Variants in GABRA4 observed in about 807,000 individuals in gnomAD.
GABRA4 encodes gamma-aminobutyric acid receptor subunit alpha-4.
A neutral mutation model predicts 49.7 loss-of-function variants in GABRA4; 12 were observed. The observed-to-expected ratio is 0.24, with a 90% confidence interval of 0.15 to 0.39. GABRA4 has a LOEUF of 0.39. Among genes scored for constraint, GABRA4 ranks in the 10% least tolerant of loss-of-function variants. The pLI is 1.00. For missense variants in GABRA4, 506 were observed against 686.0 expected (o/e 0.74, Z 2.93); for synonymous variants, 288 against 240.2 (o/e 1.20, Z -1.84).
chr4:46,928,826 C>A (rs1473402657), intron 8 of GABRA4, 71 bp from the exon 9 acceptor site: 26 of 1,012,688 alleles, frequency 2.6e-5, no homozygotes, highest in Non-Finnish European at 3.4e-5. Flanking sequence ...TTAAAGGGAT[C>A]AAAATTCTTA....
At chr4:46,950,564 T>C (rs868284262) in intron 8 of GABRA4, among the ~76,000 whole-genome samples, 74 of 152,064 alleles carry the variant, frequency 4.9e-4, no homozygotes, top group African/African-American at 1.6e-3. Context: ...CATTTTCTAA[T>C]GGCTCAACCT....
chr4:46,945,262 C>T (rs905850247), intron 8 of GABRA4, among the ~76,000 whole-genome samples: 2 of 152,102 alleles, frequency 1.3e-5, no homozygotes, highest in Admixed American at 1.3e-4. Context: ...TCTCATACAT[C>T]TGCCTGTTGA....
At position 46,928,142 on chromosome 4, in the gene GABRA4, A is replaced by C; in HGVS notation, c.*83T>G. 2 of 1,150,952 alleles carry C rather than the reference A, an allele frequency of 1.7e-6. No individual in the cohort carries two copies. Among genetic ancestry groups the C allele is most frequent in the African/African-American group, 1.6e-5 (1 of 63,956 alleles). The allele number at this position is 1,150,952 out of a possible 1,614,324, so 71.3% of individuals were successfully genotyped here. On this transcript the variant is annotated 3_prime_UTR_variant, in exon 9 of 9. Transcript: ENST00000264318. ...TTACACAGAGTTTTTATTTTAGTAA[A>C]GAATATTTGTTTATATTTAAAAACA...
In GABRA4 at chr4:46,964,904, T is replaced by C. The variant is rs1722698046; in HGVS notation, c.1134+66A>G. The C allele has an allele frequency of 4.1e-6, 6 of 1,479,020 alleles. No homozygotes were observed. The Admixed American group carries it at 9.3e-5, about 23-fold the overall frequency. The allele number at this position is 1,479,020 out of a possible 1,614,324, so 91.6% of individuals were successfully genotyped here. On this transcript the variant is annotated intron_variant, in intron 8 of 8. Coordinates refer to ENST00000264318, the MANE Select transcript of GABRA4 (RefSeq NM_000809.4). ...AGGATTTTTAAGTTCTCAGTTTGTTTCCCTGACAAAATAAATTTGACCAAG... is the reference window on the plus strand; with the variant it reads ...AGGATTTTTAAGTTCTCAGTTTGTTCCCCTGACAAAATAAATTTGACCAAG...
In GABRA4 at chr4:46,928,093, G is replaced by A; in HGVS notation, c.*132C>T. The A allele has an allele frequency of 2.7e-6, 2 of 753,456 alleles. No individual in the cohort carries two copies. Among genetic ancestry groups the A allele is most frequent in the Non-Finnish European group, 4.0e-6 (2 of 494,386 alleles). The allele number at this position is 753,456 out of a possible 1,614,324, so 46.7% of individuals were successfully genotyped here. A position where few individuals can be genotyped will look rare whatever the true frequency, so the allele number is the denominator to read the frequency against. ...GAATTAATTAACTCTCCCAATAACTGGCTTATATCTTTAAATGGAAAAATT... is the reference window on the plus strand; with the variant it reads ...GAATTAATTAACTCTCCCAATAACTAGCTTATATCTTTAAATGGAAAAATT... On this transcript the variant is annotated 3_prime_UTR_variant, in exon 9 of 9. Transcript: ENST00000264318.
At chr4:46,963,543 T>G (rs1032046519) in intron 8 of GABRA4, among the ~76,000 whole-genome samples, 1 of 151,832 alleles carries the variant, frequency 6.6e-6, no homozygotes, top group African/African-American at 2.4e-5. Context: ...CCTCCCACCA[T>G]GATTCTGAGG....
At chr4:46,938,239 A>T (rs1721666010) in intron 8 of GABRA4, among the ~76,000 whole-genome samples, 1 of 152,142 alleles carries the variant, frequency 6.6e-6, no homozygotes, top group Non-Finnish European at 1.5e-5. Flanking sequence ...CAAAAATTAC[A>T]TTCAAACTCA....
chr4:46,993,024 T>C lies in GABRA4; in HGVS notation c.87-78A>G, dbSNP rs1216915720. 9 of 1,126,808 alleles carry C rather than the reference T, an allele frequency of 8.0e-6. No individual in the cohort carries two copies. The African/African-American group carries it at 1.4e-4, about 18-fold the overall frequency. The allele number at this position is 1,126,808 out of a possible 1,614,324, so 69.8% of individuals were successfully genotyped here. A position where few individuals can be genotyped will look rare whatever the true frequency, so the allele number is the denominator to read the frequency against. ...ATCAGAGAACAGGTGCAAACAGGTT[T>C]GTTTTCTAGGGAAAGAGTCGCTTGC... On this transcript the variant is annotated intron_variant, in intron 1 of 8. Transcript: ENST00000264318.
At chr4:46,977,324 G>A (rs1723175868) in intron 4 of GABRA4, 86 bp downstream of exon 4, 1 of 747,930 alleles carries the variant, frequency 1.3e-6, no homozygotes, top group Non-Finnish European at 2.1e-6. Flanking sequence ...GAGGAAGGGA[G>A]GGAGGAAGGA....
intron 8 of GABRA4, among the ~76,000 whole-genome samples, chr4:46,944,376 A>G (rs191619628): frequency 2.6e-5 from 4 of 152,230 alleles, no homozygotes; most frequent in Non-Finnish European, 5.9e-5. Context: ...ATACTTTGGG[A>G]AGGTCCCAAG....
At chr4:46,947,294 A>G (rs1722015423) in intron 8 of GABRA4, among the ~76,000 whole-genome samples, 1 of 152,044 alleles carries the variant, frequency 6.6e-6, no homozygotes, top group Non-Finnish European at 1.5e-5. Context: ...ACTTGATCAC[A>G]TCACACACGC....
chr4:46,927,312 T>C lies in GABRA4; in HGVS notation c.*913A>G, dbSNP rs948555149. ...AAATATATTTGTTATCCACTATCAG[T>C]AGAGGCTGAAAAATATTTTGAATAT... On this transcript the variant is annotated 3_prime_UTR_variant, in exon 9 of 9. Coordinates refer to ENST00000264318, the MANE Select transcript of GABRA4 (RefSeq NM_000809.4). 13 of 152,528 alleles carry C rather than the reference T, an allele frequency of 8.5e-5. No homozygotes were observed. The highest frequency in any genetic ancestry group is 2.4e-4 in the African/African-American group (10 of 41,464). 9.4% of individuals were successfully genotyped at this position (152,528 alleles called of 1,614,324 possible).
chr4:46,959,272 G>C (rs1444514475), intron 8 of GABRA4, among the ~76,000 whole-genome samples: 2 of 151,898 alleles, frequency 1.3e-5, no homozygotes, highest in Non-Finnish European at 2.9e-5. Flanking sequence ...AGGAGGATGG[G>C]TGGGCCAACC....
chr4:46,987,148 G>A (rs1414278766), intron 2 of GABRA4, among the ~76,000 whole-genome samples: 1 of 152,210 alleles, frequency 6.6e-6, no homozygotes, highest in South Asian at 2.1e-4. Context: ...CTGCAAAGCT[G>A]TACACAACCT....
Position 46,920,397 on chromosome 4 carries a change from G to A in GABRA4, c.*7828C>T, listed in dbSNP as rs1387254029. 7.9e-5 allele frequency: 12 copies of A among 151,418 alleles called. No homozygotes were observed. The highest frequency in any genetic ancestry group is 3.3e-4 in the Admixed American group (5 of 15,176). The allele number at this position is 151,418 out of a possible 1,614,324, so 9.4% of individuals were successfully genotyped here. A position where few individuals can be genotyped will look rare whatever the true frequency, so the allele number is the denominator to read the frequency against. ...GTAATAATAAAAATGAGACACATAT[G>A]AGAAAATATAAAATATGAGACATAT... On this transcript the variant is annotated 3_prime_UTR_variant, in exon 9 of 9. Coordinates refer to ENST00000264318, the MANE Select transcript of GABRA4 (RefSeq NM_000809.4).
intron 8 of GABRA4, among the ~76,000 whole-genome samples, chr4:46,944,199 A>G (rs1241869290): frequency 3.3e-5 from 5 of 152,164 alleles, no homozygotes; most frequent in Non-Finnish European, 7.3e-5. Flanking sequence ...TGTAGTAATC[A>G]GTTCACCATG....
Position 46,928,500 on chromosome 4 carries a change from T to C in GABRA4, c.1390A>G (p.Met464Val). 1 of 1,613,654 alleles carries C rather than the reference T, an allele frequency of 6.2e-7. No individual in the cohort carries two copies. Reference sequence around the variant, plus strand: ...GATCCAACTGAAGCCTTTCGAGGCATATATCCAGTTCGGATAGAAGTAGGA... The same window carrying C: ...GATCCAACTGAAGCCTTTCGAGGCACATATCCAGTTCGGATAGAAGTAGGA... ...ASPTSIRTGY[M>V]PRKASVGSAS... The change falls in exon 9 of 9, where the codon ATG (methionine) becomes GTG (valine). Residue 464 changes from methionine to valine, a missense_variant. Met to Val is a conservative substitution (Grantham distance 21, BLOSUM62 1). This residue lies in a region of GABRA4 where 243 missense variants were observed against 210.8 expected (regional missense o/e 1.15). Transcript: ENST00000264318.
At chr4:46,937,141 GA>G (rs1560463926) in intron 8 of GABRA4, among the ~76,000 whole-genome samples, 1 of 152,160 alleles carries the variant, frequency 6.6e-6, no homozygotes, top group African/African-American at 2.4e-5. Flanking sequence ...AAAAGAAAAA[GA>G]AATACCAGGT....
rs1721267550 is a variant in GABRA4, at chr4:46,927,420, G to C, written c.*805C>G. On this transcript the variant is annotated 3_prime_UTR_variant, in exon 9 of 9. Coordinates refer to ENST00000264318, the MANE Select transcript of GABRA4 (RefSeq NM_000809.4). The stretch of plus-strand genomic sequence containing the variant: ...TATGGTTCTTTGGCATGCATTGACT[G>C]TTCTACTTTTTAAGTAATATTGTAG... The C allele has an allele frequency of 6.6e-6, 1 of 152,456 alleles. No individual in the cohort carries two copies. The highest frequency in any genetic ancestry group is 6.6e-5 in the Admixed American group (1 of 15,216). The allele number at this position is 152,456 out of a possible 1,614,324, so 9.4% of individuals were successfully genotyped here.
Sources: allele counts gnomAD v4.1 joint callset (sites outside exome capture counted in the v4.1 genomes callset), GRCh38; gene constraint gnomAD v4.1.1; regional missense constraint gnomAD v4.1.1; transcripts MANE v1.5; gene names NCBI Gene and HGNC (gene_info 2026-07-23, HGNC 2026-07-21).